CHD6: variants seen among roughly 807,000 people sequenced by gnomAD.
CHD6 encodes the protein chromodomain helicase DNA binding protein 6.
Under a neutral mutation model 276.9 loss-of-function variants are expected in CHD6, and 50 were observed. That is an observed-to-expected ratio of 0.18 (90% CI 0.14 to 0.23). CHD6 has a LOEUF of 0.23. Ranked by LOEUF, CHD6 falls within the 10% of genes least tolerant of loss-of-function variation. CHD6 has a pLI of 1.00. For synonymous variants in CHD6, 1,173 were observed against 1,229.3 expected (o/e 0.95, Z 0.96); for missense variants, 2,564 against 3,365.8 (o/e 0.76, Z 5.89).
chr20:41,460,773 GT>G (rs1481615769), intron 17 of CHD6, among the ~76,000 whole-genome samples: 1 of 152,188 alleles, frequency 6.6e-6, no homozygotes, highest in Non-Finnish European at 1.5e-5. Flanking sequence ...GAAATGTGGG[GT>G]CGGAGCCCCC....
At chr20:41,615,721 GGT>G (rs948175055) in intron 1 of CHD6, among the ~76,000 whole-genome samples, 5 of 152,140 alleles carry the variant, frequency 3.3e-5, no homozygotes, top group African/African-American at 1.2e-4. Context: ...TCAGAACATG[GGT>G]GGTCCATGAG....
At chr20:41,578,145 T>C (rs578049150) in intron 1 of CHD6, among the ~76,000 whole-genome samples, 14 of 152,192 alleles carry the variant, frequency 9.2e-5, no homozygotes, top group Non-Finnish European at 1.9e-4. Context: ...TTTTCCTTTA[T>C]TGAAGGAGCA....
At chr20:41,430,898 C>T (rs1600840726) in intron 27 of CHD6, among the ~76,000 whole-genome samples, 2 of 135,960 alleles carry the variant, frequency 1.5e-5, no homozygotes, top group Admixed American at 8.4e-5. Context: ...CTAGCTCTGT[C>T]GCCCAGGCTG....
In CHD6 at chr20:41,493,864, T is replaced by G. The variant is rs2043615338; in HGVS notation, c.1173A>C (p.Thr391=). 2 of 1,613,308 alleles carry G rather than the reference T, an allele frequency of 1.2e-6. No individual in the cohort carries two copies. Among genetic ancestry groups the G allele is most frequent in the Admixed American group, 1.7e-5 (1 of 59,992 alleles). ...AGGAGAGGCAAATACCCACCTCCCC[T>G]GTTTCTGCATCCTTGGTGTGGGCCA... The part of the protein sequence containing the change: ...LEVAHTKDAE[T]GEEVTHYLVK... The change falls in exon 9 of 37, where the codon ACA becomes ACC. Residue 391 remains threonine, a synonymous_variant. Transcript: ENST00000373233.
At chr20:41,430,524 G>A (rs1403899924) in intron 27 of CHD6, among the ~76,000 whole-genome samples, 3 of 152,160 alleles carry the variant, frequency 2.0e-5, no homozygotes, top group African/African-American at 4.8e-5. Flanking sequence ...TCTGGACTAC[G>A]AAAAGAATAC....
intron 1 of CHD6, among the ~76,000 whole-genome samples, chr20:41,566,439 A>G (rs1395042483): frequency 6.6e-6 from 1 of 152,078 alleles, no homozygotes; most frequent in Non-Finnish European, 1.5e-5. Flanking sequence ...ATTCAGGCCC[A>G]ATATTATGTG....
chr20:41,420,954 G>T lies in CHD6; in HGVS notation c.5681C>A (p.Thr1894Lys). The T allele has an allele frequency of 1.2e-6, 2 of 1,614,180 alleles. No homozygotes were observed. The highest frequency in any genetic ancestry group is 2.2e-5 in the South Asian group (2 of 91,084). ...MGERPEVLHL[T>K]EPTTNISREK... ...CCTTGAGATGTTAGTAGTGGGCTCC[G>T]TGAGATGCAATACCTCTGGCCTTTC... The change falls in exon 31 of 37, where the codon ACG becomes AAG. Residue 1894 changes from threonine (T) to lysine (K), a missense_variant. Transcript: ENST00000373233.
In CHD6 at chr20:41,533,300, C is replaced by T; in HGVS notation, c.304G>A (p.Gly102Arg). The change falls in exon 3 of 37, where the codon GGA (glycine) becomes AGA (arginine). Residue 102 changes from glycine (G) to arginine (R), a missense_variant. Gly to Arg is a moderately radical substitution (Grantham distance 125). Transcript: ENST00000373233. ...VKKKRKKKEP[G>R]DQEGAAKGSK... The stretch of plus-strand genomic sequence containing the variant: ...CCCTTTGCTGCACCCTCTTGGTCTC[C>T]TGGCTCCTTTTTCTTCCGTTTCTTC... The T allele has an allele frequency of 1.2e-6, 2 of 1,614,096 alleles. No homozygotes were observed. The highest frequency in any genetic ancestry group is 1.7e-6 in the Non-Finnish European group (2 of 1,180,028).
intron 34 of CHD6, chr20:41,414,903 C>T (rs2046947421): frequency 2.3e-6 from 3 of 1,291,394 alleles, no homozygotes; most frequent in Non-Finnish European, 2.9e-6. Flanking sequence ...GTGCCGTCAA[C>T]AGTGGCTCTT....
chr20:41,559,147 G>GACACACACACACACACACACACAC (rs58169591), intron 1 of CHD6, among the ~76,000 whole-genome samples: 1 of 148,162 alleles, frequency 6.7e-6, no homozygotes, highest in Non-Finnish European at 1.5e-5. Flanking sequence ...GCCTGTTCCT[G>GACACACACACACACACACACACAC]ACACACACAC....
intron 1 of CHD6, among the ~76,000 whole-genome samples, chr20:41,566,694 A>T (rs535424188): frequency 2.0e-5 from 3 of 152,266 alleles, no homozygotes; most frequent in Admixed American, 2.0e-4. Flanking sequence ...GGTACTACAA[A>T]GCCTGCCTCC....
At position 41,473,350 on chromosome 20, in the gene CHD6, G is replaced by C; in HGVS notation, c.2636C>G (p.Ser879Cys). The change falls in exon 17 of 37, where the codon TCT becomes TGT. Residue 879 changes from serine to cysteine, a missense_variant. Ser to Cys is a moderately radical substitution (Grantham distance 112). Transcript: ENST00000373233. The surrounding 1 kb of genome is among the most constrained non-coding windows in gnomAD (Gnocchi z 4.1). ...TAADTCIIFD[S>C]DWNPQNDLQA... is the part of the protein sequence containing the mutation. Reference sequence around the variant, plus strand: ...CAAGTCATTTTGTGGGTTCCAGTCAGAATCAAATATGATGCAGGTATCAGC... The same window carrying C: ...CAAGTCATTTTGTGGGTTCCAGTCACAATCAAATATGATGCAGGTATCAGC... 6.2e-7 allele frequency: 1 copy of C among 1,614,018 alleles called. No individual in the cohort carries two copies. Among genetic ancestry groups the C allele is most frequent in the Non-Finnish European group, 8.5e-7 (1 of 1,179,978 alleles).
intron 1 of CHD6, among the ~76,000 whole-genome samples, chr20:41,568,145 AAGAT>A (rs75344034): frequency 0.099 from 15,089 of 152,270 alleles, 995 homozygotes; most frequent in Non-Finnish European, 0.15. Context: ...CATTTTAGAC[AAGAT>A]AGATAGATAC....
At chr20:41,425,654 G>T (rs920923994) in intron 28 of CHD6, among the ~76,000 whole-genome samples, 2 of 151,954 alleles carry the variant, frequency 1.3e-5, no homozygotes, top group Non-Finnish European at 2.9e-5. Context: ...GTTATGTGAG[G>T]ACTTTGCTCT....
intron 17 of CHD6, among the ~76,000 whole-genome samples, chr20:41,466,058 TG>T (rs2042912224): frequency 6.6e-6 from 1 of 152,034 alleles, no homozygotes; most frequent in Non-Finnish European, 1.5e-5. Context: ...CAAAATTAGC[TG>T]GGCGTGGTGG....
intron 31 of CHD6, among the ~76,000 whole-genome samples, chr20:41,418,460 T>A (rs1569053795): frequency 6.6e-6 from 1 of 151,944 alleles, no homozygotes; most frequent in Non-Finnish European, 1.5e-5. Flanking sequence ...AGCACAAAGA[T>A]GAGGCTAGAG....
chr20:41,527,998 C>T (rs1457569744), intron 3 of CHD6, among the ~76,000 whole-genome samples: 1 of 152,200 alleles, frequency 6.6e-6, no homozygotes, highest in Non-Finnish European at 1.5e-5. Flanking sequence ...CAGTGCCATA[C>T]TGTTGGACTT....
chr20:41,570,824 C>T (rs2045408500), intron 1 of CHD6, among the ~76,000 whole-genome samples: 1 of 152,214 alleles, frequency 6.6e-6, no homozygotes. Flanking sequence ...ATTCTGTTCA[C>T]AGTGTAATGC....
intron 1 of CHD6, among the ~76,000 whole-genome samples, chr20:41,606,637 T>G (rs1306429129): frequency 6.7e-6 from 1 of 149,196 alleles, no homozygotes; most frequent in Non-Finnish European, 1.5e-5. Context: ...ATCGCACCAC[T>G]GCACTTCAGC....
Sources: gnomAD v4.1 joint callset for allele counts (sites outside exome capture counted in the v4.1 genomes callset) on GRCh38, gnomAD v4.1.1 for gene constraint, Gnocchi (gnomAD v3.1) non-coding constraint, MANE v1.5 for transcripts, NCBI Gene and HGNC (gene_info 2026-07-23, HGNC 2026-07-21) for gene names.